Variants in MOK observed in about 807,000 individuals in gnomAD.
The protein encoded by MOK is MAPK/MAK/MRK overlapping kinase.
A neutral mutation model predicts 54.2 loss-of-function variants in MOK; 59 were observed. That is an observed-to-expected ratio of 1.09 (90% confidence interval 0.88 to 1.35). The LOEUF (loss-of-function observed/expected upper bound fraction) is 1.35, where lower values mean the gene tolerates loss of function less well. MOK is among the 40% of genes most tolerant of loss of function. The pLI, the probability that MOK is intolerant of heterozygous loss-of-function variation, is 0.00. For synonymous variants in MOK, 210 were observed against 202.7 expected (o/e 1.04, Z -0.31); for missense variants, 517 against 526.2 (o/e 0.98, Z 0.17).
downstream of MOK, chr14:102,222,900 C>A: frequency 6.2e-7 from 1 of 1,614,056 alleles, no homozygotes; most frequent in Non-Finnish European, 8.5e-7. The surrounding 1 kb of genome is among the most constrained non-coding windows in gnomAD (Gnocchi z 4.4). Context: ...CACTGCTGCG[C>A]GCACAGTCTC....
chr14:102,294,395 G>A (rs1358174040), intron 1 of MOK, among the ~76,000 whole-genome samples: 7 of 149,908 alleles, frequency 4.7e-5, no homozygotes, highest in African/African-American at 1.5e-4. Context: ...GCAGTGAGCC[G>A]AGATAGCGCC....
downstream of MOK, chr14:102,222,858 G>T (rs2064078662): frequency 6.2e-7 from 1 of 1,614,110 alleles, no homozygotes; most frequent in Non-Finnish European, 8.5e-7. The surrounding 1 kb of genome is among the most constrained non-coding windows in gnomAD (Gnocchi z 4.4). Flanking sequence ...AGCCAGGCCA[G>T]TTCTCCAGGT....
rs775664516 is a variant in MOK at position 102,233,753 on chromosome 14, G to A, written c.627C>T (p.Asp209=). The A allele has an allele frequency of 9.9e-6, 16 of 1,614,038 alleles. No homozygotes were observed. The highest frequency in any genetic ancestry group is 1.4e-5 in the Non-Finnish European group (16 of 1,180,004). The change falls in exon 8 of 12, where the codon GAC becomes GAT. Residue 209 remains aspartate, a synonymous_variant. Coordinates refer to ENST00000361847, the MANE Select transcript of MOK (RefSeq NM_014226.3). ...TGACATCGTGGATTTTTGAGATTTG[G>A]TCCAGTTCATTTACTCCAGGAAAGA... The part of the protein sequence containing the change: ...QPLFPGVNEL[D]QISKIHDVIG...
At chr14:102,298,941 G>A (rs2071804049) in intron 1 of MOK, among the ~76,000 whole-genome samples, 2 of 152,158 alleles carry the variant, frequency 1.3e-5, no homozygotes, top group South Asian at 2.1e-4. Context: ...AAGGTCTGCA[G>A]CTTCACTCCT....
At chr14:102,246,962 T>C (rs1044784536) in intron 7 of MOK, among the ~76,000 whole-genome samples, 1 of 152,118 alleles carries the variant, frequency 6.6e-6, no homozygotes, top group Non-Finnish European at 1.5e-5. Context: ...AGGCTTCGTT[T>C]ATCTAGCCCC....
At chr14:102,220,111 C>A (rs28379925), downstream of MOK, among the ~76,000 whole-genome samples, 8,032 of 152,306 alleles carry the variant, frequency 0.053, 272 homozygotes, top group African/African-American at 0.1. The surrounding 1 kb of genome is among the most constrained non-coding windows in gnomAD (Gnocchi z 4.2). Flanking sequence ...GCGGAAGCAG[C>A]GTGTCCCTCA....
chr14:102,267,786 T>C (rs1357290481), intron 2 of MOK, among the ~76,000 whole-genome samples: 1 of 151,972 alleles, frequency 6.6e-6, no homozygotes, highest in Non-Finnish European at 1.5e-5. Context: ...GCACCCCAGG[T>C]CCACAACCAA....
intron 1 of MOK, among the ~76,000 whole-genome samples, chr14:102,286,596 G>C (rs145410888): frequency 0.017 from 2,558 of 152,172 alleles, 40 homozygotes; most frequent in Non-Finnish European, 0.024. Flanking sequence ...GGGCGACAGA[G>C]GGAGACCCTG....
At chr14:102,214,736 C>G in the MOK span, 38 of 980,036 alleles carry the variant, frequency 3.9e-5, no homozygotes, top group South Asian at 4.7e-5. Context: ...TTCTTGACAA[C>G]TTGAATAAAT....
At chr14:102,277,193 A>C (rs1392071948) in intron 2 of MOK, 1 of 152,040 alleles carries the variant, frequency 6.6e-6, no homozygotes, top group Non-Finnish European at 1.5e-5. Flanking sequence ...CACCCAGCCT[A>C]AGAAGTCGAA....
At chr14:102,217,596 G>A in the MOK span, among the ~76,000 whole-genome samples, 4 of 146,926 alleles carry the variant, frequency 2.7e-5, no homozygotes, top group African/African-American at 9.8e-5. Context: ...GATGGGTCCC[G>A]ACGTCCCTGG....
downstream of MOK, chr14:102,224,939 T>TA (rs1555412211): frequency 2.6e-6 from 1 of 385,762 alleles, no homozygotes; most frequent in South Asian, 2.0e-5. Context: ...TCTGTCATCT[T>TA]AAAGTGTTGA....
At chr14:102,264,687 C>G (rs571414881) in intron 3 of MOK, 1 of 152,234 alleles carries the variant, frequency 6.6e-6, no homozygotes, top group Non-Finnish European at 1.5e-5. Context: ...CTTCTAAGAA[C>G]GCTACAGGAC....
At chr14:102,253,141 G>A (rs536755115) in intron 4 of MOK, among the ~76,000 whole-genome samples, 17 of 152,140 alleles carry the variant, frequency 1.1e-4, no homozygotes, top group South Asian at 2.1e-4. Flanking sequence ...AACAATAAAC[G>A]TTACTGAAGA....
intron 2 of MOK, among the ~76,000 whole-genome samples, chr14:102,278,088 CAAG>C (rs1217058824): frequency 3.3e-5 from 5 of 152,084 alleles, no homozygotes; most frequent in African/African-American, 7.2e-5. Context: ...GAGGACAAAG[CAAG>C]AAGAGGGCCA....
At position 102,261,254 on chromosome 14, in the gene MOK, C is replaced by CAAAAAAAA. The variant is rs71116891; in HGVS notation, c.283+2284_283+2291dup. Among the ~76,000 whole-genome samples, 7 of 86,822 alleles carry CAAAAAAAA rather than the reference C, an allele frequency of 8.1e-5. 1 individual carries two copies. The highest frequency in any genetic ancestry group is 2.5e-4 in the African/African-American group (5 of 19,954). The allele number at this position is 86,822 out of a possible 152,430, so 57.0% of individuals were successfully genotyped here. The stretch of plus-strand genomic sequence containing the variant: ...TGGCAACAGAGCGAGACTCTGCCTA[C>CAAAAAAAA]AAAAAAAAAAAAAAATTAGCCAAGT... On this transcript the variant is annotated intron_variant, in intron 4 of 11. Coordinates refer to ENST00000361847, the MANE Select transcript of MOK (RefSeq NM_014226.3).
downstream of MOK, chr14:102,222,976 G>C (rs1161495839): frequency 6.6e-7 from 1 of 1,518,672 alleles, no homozygotes; most frequent in African/African-American, 1.4e-5. The surrounding 1 kb of genome is among the most constrained non-coding windows in gnomAD (Gnocchi z 4.4). Flanking sequence ...GTGCCAGCCG[G>C]CGGACCTCAG....
chr14:102,222,083 TCCCCGC>T (rs891304541), downstream of MOK, among the ~76,000 whole-genome samples: 1 of 151,750 alleles, frequency 6.6e-6, no homozygotes, highest in Non-Finnish European at 1.5e-5. The surrounding 1 kb of genome is among the most constrained non-coding windows in gnomAD (Gnocchi z 4.4). Flanking sequence ...TGGGTGAGAT[TCCCCGC>T]CCCCGCCCCC....
At chr14:102,280,046 G>C (rs2069252620) in intron 2 of MOK, among the ~76,000 whole-genome samples, 1 of 151,694 alleles carries the variant, frequency 6.6e-6, no homozygotes, top group Non-Finnish European at 1.5e-5. Context: ...AGGTGACTCT[G>C]GGGATTCACT....
Sources: allele counts gnomAD v4.1 joint callset (sites outside exome capture counted in the v4.1 genomes callset), GRCh38; gene constraint gnomAD v4.1.1; non-coding constraint Gnocchi (gnomAD v3.1); transcripts MANE v1.5; gene names NCBI Gene and HGNC (gene_info 2026-07-23, HGNC 2026-07-21).